The following LPIN1 variants were observed in gnomAD, a reference collection of about 807,000 sequenced individuals.
The protein encoded by LPIN1 is phosphatidate phosphatase LPIN1.
In LPIN1, 71 loss-of-function variants were observed where a neutral mutation model predicts 107.5. That is an observed-to-expected ratio of 0.66 (90% CI 0.55 to 0.80). LPIN1 has a LOEUF of 0.80. Among genes scored for constraint, LPIN1 ranks in the 30% least tolerant of loss-of-function variants. The pLI is 0.00. For synonymous variants in LPIN1, 445 were observed against 452.6 expected (o/e 0.98, Z 0.21); for missense variants, 1,043 against 1,160.6 (o/e 0.90, Z 1.47).
At chr2:11,798,016 C>T (rs761155465) in intron 14 of LPIN1, among the ~76,000 whole-genome samples, 22 of 152,242 alleles carry the variant, frequency 1.4e-4, no homozygotes, top group Non-Finnish European at 2.4e-4. Context: ...CCGCTGTTCT[C>T]GTGATAGGGA....
chr2:11,722,792 G>A (rs1018975556), upstream of LPIN1, among the ~76,000 whole-genome samples: 2 of 152,160 alleles, frequency 1.3e-5, no homozygotes, highest in Non-Finnish European at 2.9e-5. Context: ...TTTTAATAAG[G>A]AAGATCTGAA....
In LPIN1 at chr2:11,790,103, T is replaced by A. The variant is rs552747781; in HGVS notation, c.1713+1647T>A. On this transcript the variant is annotated intron_variant, in intron 12 of 20. Coordinates refer to ENST00000674199, the MANE Select transcript of LPIN1 (RefSeq NM_001349206.2). ...GGCATATTTTTACAAGTTTTGGAAA[T>A]TTCGAAAGATCTTAAAATCTTTCAT... 5.2e-4 allele frequency among the ~76,000 whole-genome samples: 79 copies of A among 152,346 alleles called. 2 individuals are homozygous for A. In the South Asian group the frequency reaches 0.016, roughly 30 times the overall value.
intron 6 of LPIN1, among the ~76,000 whole-genome samples, chr2:11,776,485 C>T (rs920579490): frequency 4.0e-5 from 6 of 149,442 alleles, no homozygotes; most frequent in African/African-American, 1.2e-4. Flanking sequence ...TATGGTTAAG[C>T]ATATAATTTT....
In LPIN1 at chr2:11,782,331, G is replaced by C. The variant is rs772769377; in HGVS notation, c.1088G>C (p.Gly363Ala). 1.2e-6 allele frequency: 2 copies of C among 1,614,078 alleles called. No homozygotes were observed. The highest frequency in any genetic ancestry group is 1.7e-6 in the Non-Finnish European group (2 of 1,180,046). Reference sequence around the variant, plus strand: ...AGTGACCAATCGCCAACTCTGGTCGGTGGGGCACTTTTGGACCAGAACAAG... The same window carrying C: ...AGTGACCAATCGCCAACTCTGGTCGCTGGGGCACTTTTGGACCAGAACAAG... ...TFSDQSPTLV[G>A]GALLDQNKPQ... Residue 363 changes from glycine to alanine, a missense_variant, in exon 8 of 21, where the codon GGT (glycine) becomes GCT (alanine). Transcript: ENST00000674199.
rs755913999 is a variant in LPIN1, at chr2:11,765,723, G to A, written c.182G>A (p.Arg61Gln). ...RFGKMGVLRS[R>Q]EKVVDIEING... ...GGGAAGATGGGGGTCCTGCGCTCCC[G>A]AGAGAAAGTGGTGAGCTCTCAGGGC... The change falls in exon 2 of 21, where the codon CGA (arginine) becomes CAA (glutamine). Residue 61 changes from arginine to glutamine, a missense_variant. Physicochemically the swap from Arg to Gln is conservative, Grantham distance 43. Coordinates refer to ENST00000674199, the MANE Select transcript of LPIN1 (RefSeq NM_001349206.2). The surrounding 1 kb of genome is among the most constrained non-coding windows in gnomAD (Gnocchi z 4.4). 11 of 1,610,324 alleles carry A rather than the reference G, an allele frequency of 6.8e-6. No homozygotes were observed. The highest frequency in any genetic ancestry group is 1.7e-5 in the Admixed American group (1 of 59,890).
chr2:11,745,711 A>C (rs1666831961), upstream of LPIN1, among the ~76,000 whole-genome samples: 1 of 152,202 alleles, frequency 6.6e-6, no homozygotes, highest in African/African-American at 2.4e-5. Context: ...CCCTGTCTCA[A>C]AAAGAATTGG....
At chr2:11,680,432 C>T (rs1203063071) in intron 1 of LPIN1, among the ~76,000 whole-genome samples, 1 of 151,624 alleles carries the variant, frequency 6.6e-6, no homozygotes, top group Admixed American at 6.6e-5. Flanking sequence ...ACGGGGCGAT[C>T]TGGGGGCGGT....
At chr2:11,680,362 G>T (rs1661648597) in intron 1 of LPIN1, among the ~76,000 whole-genome samples, 1 of 152,216 alleles carries the variant, frequency 6.6e-6, no homozygotes, top group Non-Finnish European at 1.5e-5. Flanking sequence ...CTCTGGGCTT[G>T]GTCTCTGCGC....
Position 11,787,186 on chromosome 2 carries a change from T to A in LPIN1, c.1643+19T>A. ...GGAGTAAGTAAGTACCTCTTGAAAG[T>A]CACTTTGGCAGTAGCATGATACTGT... On this transcript the variant is annotated intron_variant, in intron 11 of 20. Coordinates refer to ENST00000674199, the MANE Select transcript of LPIN1 (RefSeq NM_001349206.2). The A allele has an allele frequency of 6.5e-7, 1 of 1,534,188 alleles. No individual in the cohort carries two copies. Among genetic ancestry groups the A allele is most frequent in the Non-Finnish European group, 9.0e-7 (1 of 1,107,040 alleles).
At chr2:11,759,303 G>C (rs1420224963) in intron 1 of LPIN1, among the ~76,000 whole-genome samples, 1 of 152,040 alleles carries the variant, frequency 6.6e-6, no homozygotes, top group Non-Finnish European at 1.5e-5. Flanking sequence ...AAAGGTCTCT[G>C]GTTTTCCTAG....
intron 1 of LPIN1, chr2:11,713,724 A>G: frequency 2.3e-6 from 3 of 1,285,204 alleles, no homozygotes; most frequent in South Asian, 1.3e-5. Context: ...GAACATTTCT[A>G]TTAATTAATT....
At chr2:11,754,068 A>G (rs547118117) in intron 1 of LPIN1, among the ~76,000 whole-genome samples, 3 of 152,274 alleles carry the variant, frequency 2.0e-5, no homozygotes, top group African/African-American at 7.2e-5. Flanking sequence ...GTCCCTGTCA[A>G]GCCCAGCTGG....
rs921060234 is a variant in LPIN1 at position 11,774,493 on chromosome 2, G to A, written c.722+748G>A. ...GCATTAAAATCTCATGGTGGGTGGA[G>A]TTGGGCTATTAATTTCTCAGAATGC... On this transcript the variant is annotated intron_variant, in intron 5 of 20. Coordinates refer to ENST00000674199, the MANE Select transcript of LPIN1 (RefSeq NM_001349206.2). This position sits in a 1 kb window ranked among gnomAD's most constrained non-coding sequence, Gnocchi z 4.4. 5.9e-5 allele frequency among the ~76,000 whole-genome samples: 9 copies of A among 152,202 alleles called. No homozygotes were observed. The highest frequency in any genetic ancestry group is 2.2e-4 in the African/African-American group (9 of 41,442).
chr2:11,714,292 C>T (rs144752712), intron 2 of LPIN1, among the ~76,000 whole-genome samples: 53 of 152,354 alleles, frequency 3.5e-4, no homozygotes, highest in African/African-American at 1.3e-3. Context: ...TTGCCTTGCA[C>T]CTGGTTCCCA....
intron 11 of LPIN1, among the ~76,000 whole-genome samples, chr2:11,787,398 C>CTTTTTTT (rs1205272301): frequency 6.4e-4 from 41 of 64,552 alleles, no homozygotes; most frequent in East Asian, 1.2e-3. Flanking sequence ...TTTTCTTTTT[C>CTTTTTTT]TTTTTTTTTT....
In LPIN1 at chr2:11,771,820, G is replaced by A. The variant is rs111726318; in HGVS notation, c.596+141G>A. 0.049 allele frequency: 41,675 copies of A among 851,708 alleles called. 1,217 individuals carry two copies. The highest frequency in any genetic ancestry group is 0.056 in the Non-Finnish European group (30,560 of 549,514). The allele number at this position is 851,708 out of a possible 1,614,324, so 52.8% of individuals were successfully genotyped here. ...TGGTCCCCAACCTTTTTGGCACTAG[G>A]GACCAGTTTTGTGGAAGACAGTGTT... On this transcript the variant is annotated intron_variant, in intron 4 of 20. Transcript: ENST00000674199. This position sits in a 1 kb window ranked among gnomAD's most constrained non-coding sequence, Gnocchi z 4.8.
chr2:11,789,421 TATG>T (rs1362415296), intron 12 of LPIN1, among the ~76,000 whole-genome samples: 5 of 151,966 alleles, frequency 3.3e-5, no homozygotes, highest in African/African-American at 1.2e-4. Flanking sequence ...GTGTGTGCCT[TATG>T]TGTGTGCGTG....
chr2:11,715,185 G>A (rs535237560), intron 2 of LPIN1, among the ~76,000 whole-genome samples: 5 of 152,294 alleles, frequency 3.3e-5, no homozygotes, highest in South Asian at 2.1e-4. Flanking sequence ...TCATGGAGGC[G>A]GCCTCGGGCA....
chr2:11,719,479 A>T (rs1663974239), upstream of LPIN1, among the ~76,000 whole-genome samples: 1 of 152,188 alleles, frequency 6.6e-6, no homozygotes, highest in Non-Finnish European at 1.5e-5. Flanking sequence ...AGCTTGCTCT[A>T]TGTTATTTTA....
Sources: gnomAD v4.1 joint callset for allele counts (sites outside exome capture counted in the v4.1 genomes callset) on GRCh38, gnomAD v4.1.1 for gene constraint, Gnocchi (gnomAD v3.1) non-coding constraint, MANE v1.5 for transcripts, NCBI Gene and HGNC (gene_info 2026-07-23, HGNC 2026-07-21) for gene names.